Variants in ULK4 observed in about 807,000 individuals in gnomAD.
ULK4 encodes the protein unc-51 like kinase 4, also known as inactive serine/threonine-protein kinase ULK4.
A neutral mutation model predicts 160.6 loss-of-function variants in ULK4; 133 were observed. That is an observed-to-expected ratio of 0.83 (90% CI 0.72 to 0.96). ULK4 has a LOEUF of 0.96. ULK4 is among the 40% of genes least tolerant of loss of function. The pLI, the probability that ULK4 is intolerant of heterozygous loss-of-function variation, is 0.00. For missense variants in ULK4, 1,580 were observed against 1,499.5 expected (o/e 1.05, Z -0.89); for synonymous variants, 534 against 539.8 (o/e 0.99, Z 0.15).
At chr3:41,953,739 A>T (rs1700380667) in intron 2 of ULK4, among the ~76,000 whole-genome samples, 2 of 152,000 alleles carry the variant, frequency 1.3e-5, no homozygotes. Context: ...CAAAAAGTAA[A>T]TTATCTAATA....
chr3:41,422,727 A>G lies in ULK4; in HGVS notation c.3493-24463T>C, dbSNP rs541297062. Among the ~76,000 whole-genome samples, 24 of 152,328 alleles carry G rather than the reference A, an allele frequency of 1.6e-4. No homozygotes were observed. In the South Asian group the frequency reaches 3.5e-3, roughly 22 times the overall value. On this transcript the variant is annotated intron_variant, in intron 34 of 36. Transcript: ENST00000301831. Reference sequence around the variant, plus strand: ...GATGTAGAAAAGCAAGTACATTTATACACTGTTTAATTAGAGTATAAACTG... The same window carrying G: ...GATGTAGAAAAGCAAGTACATTTATGCACTGTTTAATTAGAGTATAAACTG...
chr3:41,308,757 A>T (rs2079995310), intron 35 of ULK4, among the ~76,000 whole-genome samples: 1 of 152,220 alleles, frequency 6.6e-6, no homozygotes, highest in Non-Finnish European at 1.5e-5. Context: ...TGCTCATTGG[A>T]GCATTTCAGA....
At chr3:41,772,504 C>A (rs971841355) in intron 21 of ULK4, among the ~76,000 whole-genome samples, 1 of 152,138 alleles carries the variant, frequency 6.6e-6, no homozygotes, top group Admixed American at 6.5e-5. Flanking sequence ...CATACACCCT[C>A]CCAAGACTAA....
chr3:41,858,160 T>G (rs796240141), intron 17 of ULK4, among the ~76,000 whole-genome samples: 6,578 of 143,150 alleles, frequency 0.046, 466 homozygotes, highest in African/African-American at 0.16. Context: ...TTTTTTTTTT[T>G]TTTTTTTTTT....
chr3:41,448,044 T>C (rs897306093), intron 34 of ULK4, among the ~76,000 whole-genome samples: 4 of 152,206 alleles, frequency 2.6e-5, no homozygotes, highest in African/African-American at 9.6e-5. Context: ...TAGTCTATGC[T>C]ACATTTGCTA....
intron 21 of ULK4, among the ~76,000 whole-genome samples, chr3:41,771,002 A>C (rs2039338629): frequency 1.3e-5 from 2 of 152,204 alleles, no homozygotes; most frequent in Non-Finnish European, 2.9e-5. Flanking sequence ...TGTAGATTGA[A>C]AGATGACAAG....
intron 31 of ULK4, among the ~76,000 whole-genome samples, chr3:41,590,284 G>A (rs1264394619): frequency 6.6e-6 from 1 of 151,290 alleles, no homozygotes; most frequent in Admixed American, 6.6e-5. Flanking sequence ...TTACAGGCAT[G>A]AGCCACCGCG....
chr3:41,820,373 C>A (rs535052107), intron 18 of ULK4, among the ~76,000 whole-genome samples: 5 of 152,090 alleles, frequency 3.3e-5, no homozygotes, highest in Non-Finnish European at 4.4e-5. Context: ...ATATATTCAT[C>A]GTAGCACTAT....
intron 25 of ULK4, among the ~76,000 whole-genome samples, chr3:41,706,849 A>ATATGTGTGTG (rs1338692017): frequency 6.8e-5 from 7 of 102,368 alleles, no homozygotes; most frequent in African/African-American, 3.6e-4. Flanking sequence ...AAAAAAAAAT[A>ATATGTGTGTG]TGTGTGTGTG....
intron 29 of ULK4, among the ~76,000 whole-genome samples, chr3:41,680,079 A>G (rs897962333): frequency 2.0e-5 from 3 of 152,228 alleles, no homozygotes; most frequent in Non-Finnish European, 4.4e-5. Context: ...CTTGTCAGAA[A>G]GATGCATATA....
intron 35 of ULK4, among the ~76,000 whole-genome samples, chr3:41,285,322 A>T (rs1453343301): frequency 6.6e-6 from 1 of 152,244 alleles, no homozygotes. Context: ...GCAACTGCAA[A>T]ATCGTGAAAC....
intron 4 of ULK4, among the ~76,000 whole-genome samples, chr3:41,932,472 T>C (rs1025329736): frequency 3.5e-4 from 54 of 152,206 alleles, no homozygotes; most frequent in African/African-American, 1.3e-3. Context: ...AAGAATTTAT[T>C]TAACCTTTCT....
intron 32 of ULK4, among the ~76,000 whole-genome samples, chr3:41,493,175 G>A (rs1286325234): frequency 7.2e-6 from 1 of 138,598 alleles, no homozygotes; most frequent in Non-Finnish European, 1.6e-5. Flanking sequence ...CACATACTTG[G>A]AAGTAAAGCT....
chr3:41,663,135 C>T lies in ULK4; in HGVS notation c.3071+472G>A, dbSNP rs554567232. Among the ~76,000 whole-genome samples the T allele has an allele frequency of 2.6e-4, 39 of 151,752 alleles. 2 individuals are homozygous for T. Among genetic ancestry groups the T allele is most frequent in the Admixed American group, 2.6e-3 (39 of 15,244 alleles). On this transcript the variant is annotated intron_variant, in intron 30 of 36. Transcript: ENST00000301831. The stretch of plus-strand genomic sequence containing the variant: ...ACTCGGGAGGCTGAGGCAGAAGAAT[C>T]GCTTGAACCCAGGAGGTGGAGGTTG...
At chr3:41,722,350 C>A (rs975379850) in intron 22 of ULK4, among the ~76,000 whole-genome samples, 1 of 152,086 alleles carries the variant, frequency 6.6e-6, no homozygotes, top group Non-Finnish European at 1.5e-5. Context: ...AAAGACAGAC[C>A]GGGCGCAGTG....
intron 21 of ULK4, among the ~76,000 whole-genome samples, chr3:41,756,892 G>A (rs1190867896): frequency 6.6e-6 from 1 of 152,078 alleles, no homozygotes; most frequent in Non-Finnish European, 1.5e-5. Flanking sequence ...GGCCATGGGA[G>A]GTAGGAATAC....
intron 32 of ULK4, among the ~76,000 whole-genome samples, chr3:41,560,776 G>T (rs941544950): frequency 6.6e-5 from 10 of 152,258 alleles, no homozygotes; most frequent in African/African-American, 2.4e-4. Flanking sequence ...GAGACTATGG[G>T]GTTTTCTAAA....
intron 27 of ULK4, among the ~76,000 whole-genome samples, chr3:41,685,431 C>A (rs2036068625): frequency 6.6e-6 from 1 of 152,188 alleles, no homozygotes; most frequent in Non-Finnish European, 1.5e-5. Flanking sequence ...TGATGTCTTA[C>A]CCACTAATCC....
chr3:41,663,514 CTT>C, intron 30 of ULK4, 91 bp downstream of exon 30: 6 of 1,197,140 alleles, frequency 5.0e-6, no homozygotes, highest in Non-Finnish European at 7.3e-6. Flanking sequence ...AAACATTAGT[CTT>C]TTGGAATCTC....
Sources: gnomAD v4.1 joint callset for allele counts (sites outside exome capture counted in the v4.1 genomes callset) on GRCh38, gnomAD v4.1.1 for gene constraint, MANE v1.5 for transcripts, NCBI Gene and HGNC (gene_info 2026-07-23, HGNC 2026-07-21) for gene names.